ERN1: variants seen among roughly 807,000 people sequenced by gnomAD.
ERN1 encodes serine/threonine-protein kinase/endoribonuclease IRE1.
A neutral mutation model predicts 113.1 loss-of-function variants in ERN1; 39 were observed. The ratio of observed to expected loss-of-function variants is 0.34; its 90% confidence interval spans 0.27 to 0.45. ERN1 has a LOEUF of 0.45. Among genes scored for constraint, ERN1 ranks in the 20% least tolerant of loss-of-function variants. The pLI, the probability that ERN1 is intolerant of heterozygous loss-of-function variation, is 1.00. For missense variants in ERN1, 976 were observed against 1,274.8 expected, an observed-to-expected ratio of 0.77 and a Z score of 3.57; for synonymous variants, 507 against 515.9, an observed-to-expected ratio of 0.98 and a Z score of 0.23.
chr17:64,107,285 G>A (rs1914554646), intron 1 of ERN1, among the ~76,000 whole-genome samples: 1 of 152,138 alleles, frequency 6.6e-6, no homozygotes, highest in Admixed American at 6.5e-5. Flanking sequence ...GTTATGTTAA[G>A]TAAAGACTTA....
intron 11 of ERN1, among the ~76,000 whole-genome samples, chr17:64,058,723 C>A (rs1016412048): frequency 6.6e-6 from 1 of 152,100 alleles, no homozygotes; most frequent in African/African-American, 2.4e-5. Flanking sequence ...ATTTGCCCAA[C>A]AAAACTAACA....
intron 4 of ERN1, among the ~76,000 whole-genome samples, chr17:64,078,538 C>G (rs1913668005): frequency 6.6e-6 from 1 of 152,132 alleles, no homozygotes; most frequent in East Asian, 1.9e-4. Flanking sequence ...TCTACTTACT[C>G]TAAGATCATG....
In ERN1 at chr17:64,039,298, C is replaced by G. The variant is rs2143297409; in HGVS notation, c.*4690G>C. 1 of 152,264 alleles carries G rather than the reference C, an allele frequency of 6.6e-6. No individual in the cohort carries two copies. The highest frequency in any genetic ancestry group is 6.5e-5 in the Admixed American group (1 of 15,292). 9.4% of individuals were successfully genotyped at this position (152,264 alleles called of 1,614,324 possible). ...TTTAAAAATGCACATAAAAGTTGTACAATCTGGCAGTTTATAAAATATAAA... is the reference window on the plus strand; with the variant it reads ...TTTAAAAATGCACATAAAAGTTGTAGAATCTGGCAGTTTATAAAATATAAA... On this transcript the variant is annotated 3_prime_UTR_variant, in exon 22 of 22. Coordinates refer to ENST00000433197, the MANE Select transcript of ERN1 (RefSeq NM_001433.5).
intron 1 of ERN1, among the ~76,000 whole-genome samples, chr17:64,124,064 C>T (rs1915017883): frequency 6.6e-6 from 1 of 152,128 alleles, no homozygotes; most frequent in Admixed American, 6.5e-5. Context: ...TCCACATCCA[C>T]CAGGATGGCT....
intron 2 of ERN1, among the ~76,000 whole-genome samples, chr17:64,081,342 C>G (rs1176921325): frequency 6.6e-6 from 1 of 152,100 alleles, no homozygotes; most frequent in Non-Finnish European, 1.5e-5. Flanking sequence ...CCCTTTGGCC[C>G]CCCCATTGCA....
At chr17:64,108,543 G>C (rs6504202) in intron 1 of ERN1, among the ~76,000 whole-genome samples, 38,036 of 152,064 alleles carry the variant, frequency 0.25, 9,219 homozygotes, top group African/African-American at 0.64. Flanking sequence ...CCACACTTTA[G>C]GAAAACTGAA....
chr17:64,065,694 C>A (rs1035380511), intron 8 of ERN1, among the ~76,000 whole-genome samples: 14 of 152,124 alleles, frequency 9.2e-5, no homozygotes, highest in Non-Finnish European at 2.1e-4. Context: ...CAGAACTACC[C>A]CCATTCTGCC....
At chr17:64,086,628 TTTTCTTTCC>T (rs1913934034) in intron 2 of ERN1, among the ~76,000 whole-genome samples, 2 of 138,066 alleles carry the variant, frequency 1.4e-5, no homozygotes, top group South Asian at 4.5e-4. Flanking sequence ...TTTTTTTTTC[TTTTCTTTCC>T]TTTTTTTTTT....
Position 64,113,038 on chromosome 17 carries a change from G to A in ERN1, c.55-14797C>T, listed in dbSNP as rs532515509. On this transcript the variant is annotated intron_variant, in intron 1 of 21. Coordinates refer to ENST00000433197, the MANE Select transcript of ERN1 (RefSeq NM_001433.5). Reference sequence around the variant, plus strand: ...TAATATATTTCCACTGTGACTAGCAGGCTTTTTTCCCAAGAAGGTGATCCA... The same window carrying A: ...TAATATATTTCCACTGTGACTAGCAAGCTTTTTTCCCAAGAAGGTGATCCA... Among the ~76,000 whole-genome samples, 4 of 152,300 alleles carry A rather than the reference G, an allele frequency of 2.6e-5. No individual in the cohort carries two copies. The East Asian group carries it at 7.7e-4, about 29-fold the overall frequency.
At chr17:64,050,493 C>T (rs1036250296) in intron 17 of ERN1, among the ~76,000 whole-genome samples, 2 of 152,114 alleles carry the variant, frequency 1.3e-5, no homozygotes, top group African/African-American at 4.8e-5. Flanking sequence ...TTTAGAAAGA[C>T]TCGATAAAGG....
chr17:64,071,274 A>T (rs1018892564), intron 6 of ERN1, among the ~76,000 whole-genome samples: 1 of 152,166 alleles, frequency 6.6e-6, no homozygotes, highest in Non-Finnish European at 1.5e-5. Flanking sequence ...AGAGAAGGTG[A>T]CTTTTGAGTA....
chr17:64,072,156 G>T, intron 5 of ERN1, 53 bp from the exon 6 acceptor site: 1 of 1,597,518 alleles, frequency 6.3e-7, no homozygotes, highest in South Asian at 1.1e-5. Context: ...AAAAAGTATC[G>T]CTGCCAAACT....
chr17:64,045,614 C>T, intron 19 of ERN1, 132 bp from the exon 20 acceptor site: 1 of 1,026,874 alleles, frequency 9.7e-7, no homozygotes, highest in Admixed American at 2.0e-5. Context: ...CACCCTGCCC[C>T]CTCCCTCCCT....
At position 64,066,835 on chromosome 17, in the gene ERN1, C is replaced by T. The variant is rs1267285932; in HGVS notation, c.678G>A (p.Val226=). 18 of 1,613,832 alleles carry T rather than the reference C, an allele frequency of 1.1e-5. No homozygotes were observed. Among genetic ancestry groups the T allele is most frequent in the Non-Finnish European group, 1.4e-5 (17 of 1,179,886 alleles). The part of the protein sequence containing the change: ...VLWIQNYASP[V]VAFYVWQREG... ...CCCGCTGCCAGACATAAAAGGCCAC[C>T]ACAGGGGAGGCGTAGTTTTGGATCC... is the stretch of plus-strand genomic sequence containing the variant. The change falls in exon 8 of 22, where the codon GTG becomes GTA. Residue 226 remains valine, a synonymous_variant. Transcript: ENST00000433197.
intron 5 of ERN1, among the ~76,000 whole-genome samples, chr17:64,072,424 C>T (rs1913448388): frequency 6.6e-6 from 1 of 152,212 alleles, no homozygotes; most frequent in South Asian, 2.1e-4. Context: ...AAAGTCTTGC[C>T]TGTGAAGGGC....
chr17:64,064,052 T>TGAC lies in ERN1; in HGVS notation c.1018_1020dup (p.Val340dup). 6.2e-7 allele frequency: 1 copy of TGAC among 1,613,924 alleles called. No individual in the cohort carries two copies. The highest frequency in any genetic ancestry group is 8.5e-7 in the Non-Finnish European group (1 of 1,179,848). ...TTGCTTTTGAGTCCGGGATCAAACT[T>TGAC]GACGTCCGTGCTGGGCGTGATCACA... On this transcript the variant is annotated inframe_insertion, in exon 10 of 22. Transcript: ENST00000433197.
At chr17:64,091,169 T>C (rs1402800993) in intron 2 of ERN1, among the ~76,000 whole-genome samples, 1 of 152,206 alleles carries the variant, frequency 6.6e-6, no homozygotes, top group African/African-American at 2.4e-5. Context: ...TTCTCATGTT[T>C]CCATTGCACT....
intron 9 of ERN1, 60 bp from the exon 10 acceptor site, chr17:64,064,211 A>T: frequency 6.0e-6 from 9 of 1,506,894 alleles, no homozygotes; most frequent in Non-Finnish European, 8.0e-6. Context: ...CCCACGGCAC[A>T]CCATCCCAGC....
intron 4 of ERN1, among the ~76,000 whole-genome samples, chr17:64,079,201 T>C (rs1216741261): frequency 6.6e-6 from 1 of 152,200 alleles, no homozygotes; most frequent in Non-Finnish European, 1.5e-5. Context: ...TTTTTTCGAA[T>C]TCCAGGTTAT....
Sources: allele counts gnomAD v4.1 joint callset (sites outside exome capture counted in the v4.1 genomes callset), GRCh38; gene constraint gnomAD v4.1.1; transcripts MANE v1.5; gene names NCBI Gene and HGNC (gene_info 2026-07-23, HGNC 2026-07-21).